The following TMPRSS7 variants were observed in gnomAD, a reference collection of about 807,000 sequenced individuals.
TMPRSS7 encodes the protein transmembrane protease serine 7.
Under a neutral mutation model 95.6 loss-of-function variants are expected in TMPRSS7, and 81 were observed. The observed-to-expected ratio is 0.85, with a 90% CI of 0.71 to 1.02. The LOEUF is 1.02. Among genes scored for constraint, TMPRSS7 ranks in the 50% least tolerant of loss-of-function variants. The pLI, the probability that TMPRSS7 is intolerant of heterozygous loss-of-function variation, is 0.00. For synonymous variants in TMPRSS7, 364 were observed against 337.8 expected, an observed-to-expected ratio of 1.08 and a Z score of -0.85; for missense variants, 945 against 955.2, an observed-to-expected ratio of 0.99 and a Z score of 0.14.
At chr3:112,059,270 A>G (rs565360334) in intron 10 of TMPRSS7, among the ~76,000 whole-genome samples, 1 of 152,228 alleles carries the variant, frequency 6.6e-6, no homozygotes, top group South Asian at 2.1e-4. Flanking sequence ...TGCTATTTGA[A>G]CTTTGGCAAG....
chr3:112,037,326 C>T (rs949342367), intron 1 of TMPRSS7, among the ~76,000 whole-genome samples: 1 of 152,176 alleles, frequency 6.6e-6, no homozygotes, highest in African/African-American at 2.4e-5. Context: ...GAGTGTCTGC[C>T]TTATGCAGTT....
At chr3:112,078,293 G>A (rs777132189) in intron 16 of TMPRSS7, among the ~76,000 whole-genome samples, 8 of 152,124 alleles carry the variant, frequency 5.3e-5, no homozygotes, top group Non-Finnish European at 7.4e-5. Flanking sequence ...AATCATCTTA[G>A]CCAGGTAGGT....
chr3:112,074,227 A>T, intron 13 of TMPRSS7, 69 bp from the exon 14 acceptor site: 1 of 1,108,494 alleles, frequency 9.0e-7, no homozygotes, highest in Non-Finnish European at 1.4e-6. Flanking sequence ...GGAGTTATTC[A>T]TTCAAATCTC....
chr3:112,079,499 A>C (rs1036282804), intron 17 of TMPRSS7, among the ~76,000 whole-genome samples: 15 of 152,242 alleles, frequency 9.9e-5, no homozygotes, highest in African/African-American at 3.6e-4. Flanking sequence ...ACACAAATTC[A>C]CAAACTTTCT....
At chr3:112,079,212 G>A (rs184377361) in intron 17 of TMPRSS7, among the ~76,000 whole-genome samples, 2 of 152,204 alleles carry the variant, frequency 1.3e-5, no homozygotes, top group Non-Finnish European at 1.5e-5. Flanking sequence ...AAAATTTGAA[G>A]GATTTTATTT....
intron 7 of TMPRSS7, 56 bp downstream of exon 7, chr3:112,048,023 T>C (rs2107741154): frequency 1.3e-6 from 2 of 1,529,416 alleles, no homozygotes; most frequent in Non-Finnish European, 1.8e-6. Flanking sequence ...ACCTCTGTTT[T>C]ACAGTATCTG....
chr3:112,051,649 T>TATCTATCTATC (rs1553763368), intron 9 of TMPRSS7, among the ~76,000 whole-genome samples: 1 of 82,714 alleles, frequency 1.2e-5, no homozygotes, highest in Non-Finnish European at 2.8e-5. Context: ...TCTATCTATC[T>TATCTATCTATC]ATCTATCTAT....
rs188358918 is a variant in TMPRSS7 at position 112,073,340 on chromosome 3, C to T, written c.1667-956C>T. On this transcript the variant is annotated intron_variant, in intron 13 of 17. Transcript: ENST00000452346. ...AACTCCTGACCTCAGGCAATCCACC[C>T]GCCTCAGCCTCCCAAAGTGCTGGGA... Among the ~76,000 whole-genome samples the T allele has an allele frequency of 2.2e-4, 33 of 152,042 alleles. No homozygotes were observed. The East Asian group carries it at 2.5e-3, about 12-fold the overall frequency.
intron 10 of TMPRSS7, among the ~76,000 whole-genome samples, chr3:112,060,790 T>G (rs1360210248): frequency 6.6e-6 from 1 of 152,066 alleles, no homozygotes; most frequent in Non-Finnish European, 1.5e-5. Flanking sequence ...GATTAAGAGA[T>G]TAAAGTAAAG....
intron 12 of TMPRSS7, among the ~76,000 whole-genome samples, chr3:112,064,279 T>G (rs1387602483): frequency 6.6e-6 from 1 of 152,240 alleles, no homozygotes; most frequent in Non-Finnish European, 1.5e-5. Context: ...TCTTTCAGCG[T>G]GCTCCTTTAT....
exon 11 of TMPRSS7, chr3:112,061,852 A>G: frequency 1.2e-6 from 2 of 1,613,114 alleles, no homozygotes; most frequent in Non-Finnish European, 8.5e-7. Context: ...GTTCACATTC[A>G]GCTCCAGTGC....
intron 9 of TMPRSS7, among the ~76,000 whole-genome samples, chr3:112,054,175 A>G (rs2073401566): frequency 6.6e-6 from 1 of 152,210 alleles, no homozygotes; most frequent in Non-Finnish European, 1.5e-5. Context: ...GGTTGTGTAC[A>G]CACCACCACT....
chr3:112,046,766 C>T (rs2073284032), intron 5 of TMPRSS7, among the ~76,000 whole-genome samples: 1 of 152,130 alleles, frequency 6.6e-6, no homozygotes, highest in South Asian at 2.1e-4. Context: ...TTTACTCAAC[C>T]TCGACAACTA....
rs373629952 is a variant in TMPRSS7, at chr3:112,075,398, G to A, written c.1861G>A (p.Val621Ile). ...CCTGGAGGGGGGTTGGCCGTGGCAG[G>A]TCAGCCTCCACTTTGTTGGATCTGC... The change falls in exon 15 of 18, where the codon GTC becomes ATC. Residue 621 changes from valine to isoleucine, a missense_variant. By Grantham distance (29) the Val-to-Ile change is conservative. Coordinates refer to ENST00000452346, the Ensembl canonical transcript of TMPRSS7. The A allele has an allele frequency of 5.3e-5, 82 of 1,540,504 alleles. No homozygotes were observed. In the South Asian group the frequency reaches 7.0e-4, roughly 13 times the overall value.
chr3:112,042,242 CT>C (rs2073218087), intron 3 of TMPRSS7, among the ~76,000 whole-genome samples, 192 bp downstream of exon 3: 1 of 152,072 alleles, frequency 6.6e-6, no homozygotes, highest in Non-Finnish European at 1.5e-5. Flanking sequence ...ATTTCTCCCC[CT>C]GCCCCCATGC....
At chr3:112,069,105 G>C (rs181858692) in intron 13 of TMPRSS7, among the ~76,000 whole-genome samples, 57 of 152,286 alleles carry the variant, frequency 3.7e-4, no homozygotes, top group Middle Eastern at 6.8e-3. Context: ...CATTGGTTCT[G>C]TTTACATGAT....
chr3:112,056,469 T>C (rs368495011), intron 9 of TMPRSS7, among the ~76,000 whole-genome samples: 2 of 152,274 alleles, frequency 1.3e-5, no homozygotes, highest in East Asian at 3.9e-4. Context: ...GCATAGTGTG[T>C]GTGTGCATGG....
intron 7 of TMPRSS7, 59 bp from the exon 8 acceptor site, chr3:112,049,785 A>T (rs2073323248): frequency 7.2e-7 from 1 of 1,381,452 alleles, no homozygotes; most frequent in Admixed American, 2.2e-5. Flanking sequence ...TTTTGAATGG[A>T]GACCCATTTC....
At chr3:112,041,438 C>T (rs1252402656) in intron 2 of TMPRSS7, among the ~76,000 whole-genome samples, 1 of 152,192 alleles carries the variant, frequency 6.6e-6, no homozygotes, top group Non-Finnish European at 1.5e-5. Flanking sequence ...CTCTCTCTCT[C>T]TTTCTCACTC....
Sources: gnomAD v4.1 joint callset for allele counts (sites outside exome capture counted in the v4.1 genomes callset) on GRCh38, gnomAD v4.1.1 for gene constraint, MANE v1.5 for transcripts, NCBI Gene and HGNC (gene_info 2026-07-23, HGNC 2026-07-21) for gene names.